ECT2: variants seen among roughly 807,000 people sequenced by gnomAD.
ECT2 encodes the protein epithelial cell transforming 2, also known as protein ECT2.
In ECT2, 61 loss-of-function variants were observed where a neutral mutation model predicts 116.9. That is an observed-to-expected ratio of 0.52 (90% CI 0.42 to 0.65). The LOEUF (loss-of-function observed/expected upper bound fraction) is 0.65. Ranked by LOEUF, ECT2 falls within the 30% of genes least tolerant of loss-of-function variation. ECT2 has a pLI of 0.00. For missense variants in ECT2, 937 were observed against 1,078.7 expected (o/e 0.87, Z 1.84); for synonymous variants, 358 against 346.4 (o/e 1.03, Z -0.37).
chr3:172,787,563 T>C (rs1723826610), intron 18 of ECT2, among the ~76,000 whole-genome samples: 1 of 152,194 alleles, frequency 6.6e-6, no homozygotes, highest in Non-Finnish European at 1.5e-5. Flanking sequence ...TTATGTATTT[T>C]GTATGTTCAC....
intron 1 of ECT2, among the ~76,000 whole-genome samples, chr3:172,753,488 TC>T (rs1716340180): frequency 6.6e-6 from 1 of 152,216 alleles, no homozygotes; most frequent in African/African-American, 2.4e-5. Context: ...TCTTTCATAG[TC>T]CAGAGTTATA....
At chr3:172,795,323 C>CAAAAAAA in intron 18 of ECT2, among the ~76,000 whole-genome samples, 1 of 104,432 alleles carries the variant, frequency 9.6e-6, no homozygotes, top group Non-Finnish European at 2.0e-5. Flanking sequence ...GAGACGCTAT[C>CAAAAAAA]AAAAAAAAAA....
Position 172,784,610 on chromosome 3 carries a change from A to G in ECT2, c.1729-97A>G, listed in dbSNP as rs999870110. On this transcript the variant is annotated intron_variant, in intron 16 of 24. Coordinates refer to ENST00000392692, the MANE Select transcript of ECT2 (RefSeq NM_001258315.2). ...TTCCACTTCTTCTCTATTAGTTTGT[A>G]TCACAGACACTAATGATAAGGTGTA... 21 of 852,872 alleles carry G rather than the reference A, an allele frequency of 2.5e-5. No homozygotes were observed. In the African/African-American group the frequency reaches 2.9e-4, roughly 12 times the overall value. 52.8% of individuals were successfully genotyped at this position (852,872 alleles called of 1,614,324 possible). A position where few individuals can be genotyped will look rare whatever the true frequency, so the allele number is the denominator to read the frequency against.
chr3:172,761,797 A>C (rs555992108), intron 8 of ECT2, 114 bp downstream of exon 8: 1 of 590,468 alleles, frequency 1.7e-6, no homozygotes, highest in East Asian at 3.1e-5. Flanking sequence ...ATTCAGTCTG[A>C]GTAGCTTGAG....
At chr3:172,811,983 C>A (rs982528267) in intron 22 of ECT2, among the ~76,000 whole-genome samples, 2 of 134,614 alleles carry the variant, frequency 1.5e-5, no homozygotes, top group South Asian at 2.4e-4. Context: ...AAATGTATTT[C>A]TTTTTTTTTT....
At chr3:172,783,735 G>A in intron 15 of ECT2, 64 bp from the exon 16 acceptor site, 1 of 1,078,624 alleles carries the variant, frequency 9.3e-7, no homozygotes, top group South Asian at 1.4e-5. Flanking sequence ...TTGACTTTAA[G>A]TTACATTGTC....
At chr3:172,768,496 A>G (rs1429842326) in intron 12 of ECT2, among the ~76,000 whole-genome samples, 2 of 152,158 alleles carry the variant, frequency 1.3e-5, no homozygotes, top group African/African-American at 2.4e-5. Flanking sequence ...TTAAATGTCT[A>G]TTTCCTATGA....
intron 5 of ECT2, among the ~76,000 whole-genome samples, chr3:172,758,468 TACACAC>T (rs138087804): frequency 6.6e-6 from 1 of 150,898 alleles, no homozygotes; most frequent in Admixed American, 6.6e-5. Flanking sequence ...TTCTCTTTTA[TACACAC>T]ACACACACAC....
intron 24 of ECT2, chr3:172,818,420 A>G (rs1730133241): frequency 6.4e-6 from 3 of 469,740 alleles, no homozygotes; most frequent in Non-Finnish European, 8.4e-6. Context: ...TGAATTTTAT[A>G]GAAAATTTTA....
intron 20 of ECT2, 34 bp from the exon 21 acceptor site, chr3:172,805,697 T>G (rs1727552267): frequency 1.2e-6 from 2 of 1,603,044 alleles, no homozygotes; most frequent in Non-Finnish European, 1.7e-6. Context: ...TTCTTCATTT[T>G]ATTGACTGAT....
chr3:172,817,541 G>A (rs1392749212), intron 24 of ECT2, among the ~76,000 whole-genome samples: 1 of 152,016 alleles, frequency 6.6e-6, no homozygotes, highest in Non-Finnish European at 1.5e-5. Context: ...TTTGTGATGA[G>A]TAGAATATAA....
At chr3:172,770,202 T>C (rs975148604) in intron 13 of ECT2, among the ~76,000 whole-genome samples, 1 of 152,198 alleles carries the variant, frequency 6.6e-6, no homozygotes, top group Non-Finnish European at 1.5e-5. Flanking sequence ...ATGAGTTTCT[T>C]GTTGAAGTTT....
In ECT2 at chr3:172,773,998, C is replaced by T. The variant is rs1244102867; in HGVS notation, c.1524C>T (p.Ile508=). The T allele has an allele frequency of 6.2e-7, 1 of 1,612,296 alleles. No homozygotes were observed. The highest frequency in any genetic ancestry group is 1.3e-5 in the African/African-American group (1 of 74,840). Residue 508 remains isoleucine (I), a synonymous_variant, in exon 14 of 25, where the codon ATC becomes ATT. Transcript: ENST00000392692. ...IKTIFGSIPD[I]FDVHTKIKDD... ...CTATTTTTGGTAGCATCCCAGATAT[C>T]TTTGATGTACACACTAAGATAAAGG...
At chr3:172,760,748 T>TG (rs1718116198) in intron 7 of ECT2, among the ~76,000 whole-genome samples, 2 of 131,880 alleles carry the variant, frequency 1.5e-5, no homozygotes, top group Non-Finnish European at 3.1e-5. Context: ...TGAGACTGAG[T>TG]CTCTCTCTGT....
At chr3:172,819,546 A>C (rs1044085758) in intron 24 of ECT2, among the ~76,000 whole-genome samples, 20 of 152,046 alleles carry the variant, frequency 1.3e-4, no homozygotes, top group East Asian at 7.7e-4. Context: ...GGGTCTTGCT[A>C]AGTTGCCCAG....
chr3:172,765,588 T>A (rs1220920580), intron 12 of ECT2, among the ~76,000 whole-genome samples: 1 of 152,166 alleles, frequency 6.6e-6, no homozygotes, highest in Non-Finnish European at 1.5e-5. Context: ...GTAAAAAGGA[T>A]CTCTCTTAGA....
chr3:172,770,953 CGTTTA>C (rs1471424972), intron 13 of ECT2, among the ~76,000 whole-genome samples: 2 of 151,864 alleles, frequency 1.3e-5, no homozygotes, highest in Non-Finnish European at 2.9e-5. Flanking sequence ...TTTTACTACT[CGTTTA>C]GTTTAGGGAA....
In ECT2 at chr3:172,769,123, A is replaced by G; in HGVS notation, c.1408A>G (p.Ile470Val). ...TCAAACTGAAAGTAATTATGTTAATATATTGGCAACAATTATTCAGGTAAG... is the reference window on the plus strand; with the variant it reads ...TCAAACTGAAAGTAATTATGTTAATGTATTGGCAACAATTATTCAGGTAAG... ...LYQTESNYVN[I>V]LATIIQLFQV... Residue 470 changes from isoleucine to valine, a missense_variant, in exon 13 of 25, where the codon ATA becomes GTA. Transcript: ENST00000392692. 3.7e-6 allele frequency: 6 copies of G among 1,612,546 alleles called. No homozygotes were observed. The highest frequency in any genetic ancestry group is 5.1e-6 in the Non-Finnish European group (6 of 1,179,048).
At chr3:172,794,469 T>C (rs911596333) in intron 18 of ECT2, among the ~76,000 whole-genome samples, 5 of 152,224 alleles carry the variant, frequency 3.3e-5, no homozygotes, top group Non-Finnish European at 5.9e-5. Flanking sequence ...TGTCTGTGCT[T>C]ATGCCAGTAC....
Sources: gnomAD v4.1 joint callset for allele counts (sites outside exome capture counted in the v4.1 genomes callset) on GRCh38, gnomAD v4.1.1 for gene constraint, MANE v1.5 for transcripts, NCBI Gene and HGNC (gene_info 2026-07-23, HGNC 2026-07-21) for gene names.